The following COL24A1 variants were observed in gnomAD, a reference collection of about 807,000 sequenced individuals.
COL24A1 encodes the protein collagen alpha-1(XXIV) chain.
Under a neutral mutation model 253.9 loss-of-function variants are expected in COL24A1, and 224 were observed. The observed-to-expected ratio is 0.88, with a 90% CI of 0.79 to 0.99. COL24A1 has a LOEUF of 0.99. Ranked by LOEUF, COL24A1 falls within the 50% of genes least tolerant of loss-of-function variation. COL24A1 has a pLI of 0.00. For missense variants in COL24A1, 2,131 were observed against 2,068.5 expected (o/e 1.03, Z -0.59); for synonymous variants, 685 against 673.7 (o/e 1.02, Z -0.26).
chr1:85,832,924 C>A (rs900442446), intron 43 of COL24A1, among the ~76,000 whole-genome samples: 41 of 151,494 alleles, frequency 2.7e-4, no homozygotes, highest in South Asian at 8.3e-4. Flanking sequence ...TTATTTCCTT[C>A]TCCTGCCTAA....
intron 37 of COL24A1, among the ~76,000 whole-genome samples, chr1:85,863,803 A>G (rs941002275): frequency 6.6e-6 from 1 of 152,250 alleles, no homozygotes; most frequent in Non-Finnish European, 1.5e-5. Context: ...AACAATGCTC[A>G]TCATCACTGG....
chr1:85,839,551 C>T (rs1227753727), intron 42 of COL24A1, among the ~76,000 whole-genome samples: 2 of 151,930 alleles, frequency 1.3e-5, no homozygotes, highest in East Asian at 3.9e-4. Flanking sequence ...GAGAGAGACC[C>T]TGTCTCTAAA....
At chr1:86,090,804 G>C (rs764309078) in intron 6 of COL24A1, among the ~76,000 whole-genome samples, 1 of 151,970 alleles carries the variant, frequency 6.6e-6, no homozygotes, top group African/African-American at 2.4e-5. Context: ...ATATGTTTCT[G>C]TTATAGTTTT....
At chr1:86,146,206 G>A in intron 1 of COL24A1, 23 bp from the exon 2 acceptor site, 1 of 1,592,744 alleles carries the variant, frequency 6.3e-7, no homozygotes, top group East Asian at 2.3e-5. Flanking sequence ...AAAAGCATTT[G>A]GGAAAAACTT....
At chr1:86,123,331 C>CA (rs1351199755) in intron 3 of COL24A1, among the ~76,000 whole-genome samples, 1 of 73,140 alleles carries the variant, frequency 1.4e-5, no homozygotes, top group African/African-American at 5.4e-5. Flanking sequence ...GAGACTCCAT[C>CA]AAAAAATACT....
chr1:85,825,039 C>T (rs1051341589), intron 43 of COL24A1, among the ~76,000 whole-genome samples: 7 of 151,392 alleles, frequency 4.6e-5, no homozygotes, highest in African/African-American at 1.5e-4. Context: ...TGTCATCTAG[C>T]ATTAGGTATA....
intron 53 of COL24A1, among the ~76,000 whole-genome samples, chr1:85,774,981 C>T (rs528578942): frequency 1.3e-5 from 2 of 152,250 alleles, no homozygotes; most frequent in African/African-American, 4.8e-5. Context: ...AATCTTAGAT[C>T]TTTCCTGCTT....
At chr1:85,990,347 G>C (rs189205960) in intron 19 of COL24A1, among the ~76,000 whole-genome samples, 2 of 152,120 alleles carry the variant, frequency 1.3e-5, no homozygotes, top group African/African-American at 4.8e-5. Context: ...ATAAGATTGC[G>C]GCATGGAGGA....
chr1:85,984,819 C>A (rs1693572301), intron 20 of COL24A1, among the ~76,000 whole-genome samples: 1 of 151,866 alleles, frequency 6.6e-6, no homozygotes, highest in African/African-American at 2.4e-5. Context: ...AACTGCTCCT[C>A]TTCCTGAGTT....
chr1:85,809,914 TA>T (rs1167757939), intron 47 of COL24A1, among the ~76,000 whole-genome samples: 1 of 151,710 alleles, frequency 6.6e-6, no homozygotes, highest in Non-Finnish European at 1.5e-5. Context: ...ACAGAATTTT[TA>T]TCTTCTTTAA....
intron 7 of COL24A1, 106 bp downstream of exon 7, chr1:86,089,068 G>T: frequency 1.2e-6 from 1 of 816,728 alleles, no homozygotes; most frequent in African/African-American, 1.8e-5. Flanking sequence ...AGACCTCCAA[G>T]ATCCATATAT....
At chr1:86,098,528 C>T (rs886444453) in intron 5 of COL24A1, among the ~76,000 whole-genome samples, 1 of 152,092 alleles carries the variant, frequency 6.6e-6, no homozygotes, top group Non-Finnish European at 1.5e-5. Context: ...CTGGTCACCA[C>T]AGGGGAAACA....
chr1:85,834,668 G>A (rs1285183365), intron 43 of COL24A1, among the ~76,000 whole-genome samples: 2 of 152,222 alleles, frequency 1.3e-5, no homozygotes, highest in East Asian at 1.9e-4. Context: ...GTATTTCTGG[G>A]ACTTCATCTC....
At chr1:85,818,149 G>A (rs1673239559) in intron 45 of COL24A1, 62 bp from the exon 46 acceptor site, 3 of 1,361,084 alleles carry the variant, frequency 2.2e-6, no homozygotes, top group Non-Finnish European at 3.1e-6. Context: ...TGAAGCCATA[G>A]AAAAGGACAC....
At position 85,989,122 on chromosome 1, in the gene COL24A1, G is replaced by GT. The variant is rs200839186; in HGVS notation, c.2311-1469dup. ...ACACCTTTTGTTAGTATGTTTTTTTGTGGGGGGGATTTCTTGTGGACTTGA... is the reference window on the plus strand; with the variant it reads ...ACACCTTTTGTTAGTATGTTTTTTTGTTGGGGGGGATTTCTTGTGGACTTGA... On this transcript the variant is annotated intron_variant, in intron 19 of 59. Coordinates refer to ENST00000370571, the MANE Select transcript of COL24A1 (RefSeq NM_152890.7). 7.4e-4 allele frequency among the ~76,000 whole-genome samples: 112 copies of GT among 151,780 alleles called. No individual in the cohort carries two copies. The East Asian group carries it at 0.02, about 27-fold the overall frequency.
chr1:85,959,156 T>G (rs1022753769), intron 24 of COL24A1, among the ~76,000 whole-genome samples: 4 of 152,276 alleles, frequency 2.6e-5, no homozygotes, highest in Non-Finnish European at 5.9e-5. Flanking sequence ...GAACTCTGGA[T>G]TAGATGAACT....
intron 12 of COL24A1, among the ~76,000 whole-genome samples, chr1:86,036,728 G>A (rs1699057593): frequency 6.6e-6 from 1 of 152,154 alleles, no homozygotes; most frequent in Non-Finnish European, 1.5e-5. Context: ...TGGAACAGTA[G>A]TGACAAAATA....
intron 10 of COL24A1, among the ~76,000 whole-genome samples, chr1:86,051,701 A>T (rs528574585): frequency 3.3e-5 from 5 of 152,238 alleles, no homozygotes; most frequent in Admixed American, 1.3e-4. Context: ...TTTTCACTTT[A>T]TAAATTCACT....
At chr1:85,935,814 G>A (rs1688203944) in intron 24 of COL24A1, among the ~76,000 whole-genome samples, 1 of 147,530 alleles carries the variant, frequency 6.8e-6, no homozygotes, top group African/African-American at 2.5e-5. Context: ...GAATGAATGA[G>A]TGAACAACTT....
Sources: gnomAD v4.1 joint callset for allele counts (sites outside exome capture counted in the v4.1 genomes callset) on GRCh38, gnomAD v4.1.1 for gene constraint, MANE v1.5 for transcripts, NCBI Gene and HGNC (gene_info 2026-07-23, HGNC 2026-07-21) for gene names.